Variants in CRIM1 observed in about 807,000 individuals in gnomAD.
CRIM1 encodes cysteine-rich motor neuron 1 protein.
Under a neutral mutation model 116.4 loss-of-function variants are expected in CRIM1, and 32 were observed. The observed-to-expected ratio is 0.27, with a 90% CI of 0.21 to 0.37. The LOEUF is 0.37. Among genes scored for constraint, CRIM1 ranks in the 10% least tolerant of loss-of-function variants. The pLI, the probability that CRIM1 is intolerant of heterozygous loss-of-function variation, is 1.00. For synonymous variants in CRIM1, 590 were observed against 509.2 expected, an observed-to-expected ratio of 1.16 and a Z score of -2.13; for missense variants, 1,331 against 1,354.8, an observed-to-expected ratio of 0.98 and a Z score of 0.28.
chr2:36,457,197 G>C (rs1216797517), intron 4 of CRIM1, among the ~76,000 whole-genome samples: 1 of 151,878 alleles, frequency 6.6e-6, no homozygotes, highest in Non-Finnish European at 1.5e-5. Flanking sequence ...GGTAGTATTT[G>C]GTTACATAAG....
At chr2:36,401,102 G>A (rs1490593377) in intron 2 of CRIM1, among the ~76,000 whole-genome samples, 2 of 152,082 alleles carry the variant, frequency 1.3e-5, no homozygotes, top group African/African-American at 2.4e-5. Flanking sequence ...TTTTTAAAAC[G>A]TGTGGAAGTC....
intron 8 of CRIM1, among the ~76,000 whole-genome samples, chr2:36,502,401 G>C (rs1681062322): frequency 6.6e-6 from 1 of 152,198 alleles, no homozygotes. Context: ...TGCTACCTGA[G>C]TGCACCTCTG....
At chr2:36,491,881 T>G (rs563599088) in intron 7 of CRIM1, among the ~76,000 whole-genome samples, 1 of 152,208 alleles carries the variant, frequency 6.6e-6, no homozygotes, top group South Asian at 2.1e-4. Context: ...CTATGAACAT[T>G]AGCAATAAAA....
chr2:36,455,640 A>G (rs1051707039), intron 4 of CRIM1, among the ~76,000 whole-genome samples: 1 of 152,196 alleles, frequency 6.6e-6, no homozygotes, highest in African/African-American at 2.4e-5. Flanking sequence ...GCCAGTGGTC[A>G]ACTTGGAGAA....
intron 1 of CRIM1, among the ~76,000 whole-genome samples, chr2:36,371,072 C>T (rs1489864172): frequency 2.6e-5 from 4 of 152,246 alleles, no homozygotes; most frequent in Admixed American, 2.6e-4. Flanking sequence ...TCTAGTGCAA[C>T]CAAAGACTTG....
chr2:36,521,351 T>C (rs1232229207), intron 12 of CRIM1, among the ~76,000 whole-genome samples: 1 of 152,198 alleles, frequency 6.6e-6, no homozygotes. Flanking sequence ...TTCCTGAACA[T>C]TGGAATGTTG....
At chr2:36,391,962 C>T (rs142703219) in intron 1 of CRIM1, among the ~76,000 whole-genome samples, 56 of 152,252 alleles carry the variant, frequency 3.7e-4, no homozygotes, top group African/African-American at 1.3e-3. Context: ...CTTGAATGCC[C>T]TTGATCGAAG....
chr2:36,441,600 G>C, intron 3 of CRIM1, 100 bp downstream of exon 3: 1 of 1,446,944 alleles, frequency 6.9e-7, no homozygotes, highest in Non-Finnish European at 9.4e-7. Flanking sequence ...ACGAAGATGG[G>C]CCTTCTCACC....
chr2:36,413,644 A>G (rs192893937), intron 2 of CRIM1, among the ~76,000 whole-genome samples: 19 of 152,344 alleles, frequency 1.2e-4, no homozygotes, highest in East Asian at 1.9e-4. Flanking sequence ...GTGCGTATCA[A>G]TGGATATGTA....
chr2:36,405,309 A>G (rs1415716469), intron 2 of CRIM1, among the ~76,000 whole-genome samples: 2 of 152,220 alleles, frequency 1.3e-5, no homozygotes, highest in Non-Finnish European at 2.9e-5. Flanking sequence ...TGTTCCTGCC[A>G]CTAGAACCGC....
At chr2:36,543,934 A>G (rs961202194) in intron 14 of CRIM1, among the ~76,000 whole-genome samples, 2 of 152,212 alleles carry the variant, frequency 1.3e-5, no homozygotes, top group Non-Finnish European at 2.9e-5. Flanking sequence ...CAAGAAGTCC[A>G]TAAGAAGTGG....
At chr2:36,447,666 C>G (rs563126409) in intron 4 of CRIM1, among the ~76,000 whole-genome samples, 1 of 152,290 alleles carries the variant, frequency 6.6e-6, no homozygotes, top group Admixed American at 6.5e-5. Context: ...TTCTGTTGGT[C>G]AAAGGAAGTC....
chr2:36,387,726 A>T (rs2148352321), intron 1 of CRIM1, among the ~76,000 whole-genome samples: 1 of 152,348 alleles, frequency 6.6e-6, no homozygotes, highest in East Asian at 1.9e-4. Context: ...AGAGAAAGTG[A>T]TTGAAAAAAT....
rs1181402750 is a variant in CRIM1 at position 36,547,179 on chromosome 2, C to G, written c.2934+8C>G. ...TATCGAACACCAACTAAGGTACTGT[C>G]TTGCAAAAGTTAGTCTCTTGAATGA... On this transcript the variant is annotated splice_region_variant and intron_variant, in intron 16 of 16. Coordinates refer to ENST00000280527, the MANE Select transcript of CRIM1 (RefSeq NM_016441.3). The G allele has an allele frequency of 3.1e-6, 5 of 1,603,828 alleles. No homozygotes were observed. Among genetic ancestry groups the G allele is most frequent in the African/African-American group, 1.3e-5 (1 of 74,506 alleles).
chr2:36,466,879 G>C (rs759091209), intron 5 of CRIM1, among the ~76,000 whole-genome samples: 1 of 152,162 alleles, frequency 6.6e-6, no homozygotes, highest in African/African-American at 2.4e-5. Flanking sequence ...AAGATTTGCT[G>C]GTGTTTCCTA....
chr2:36,422,615 AT>A (rs1216397300), intron 2 of CRIM1, among the ~76,000 whole-genome samples: 3 of 152,206 alleles, frequency 2.0e-5, no homozygotes, highest in African/African-American at 7.2e-5. Flanking sequence ...TGATAGTGTT[AT>A]GATACTATGT....
chr2:36,548,260 C>T (rs1321624667), intron 16 of CRIM1, among the ~76,000 whole-genome samples: 4 of 143,616 alleles, frequency 2.8e-5, no homozygotes, highest in Non-Finnish European at 6.0e-5. Flanking sequence ...GAAATCATTT[C>T]ACCAGTCTTT....
At chr2:36,506,133 G>GCACACACACA (rs142839402) in intron 8 of CRIM1, among the ~76,000 whole-genome samples, 9 of 136,422 alleles carry the variant, frequency 6.6e-5, no homozygotes, top group Admixed American at 4.4e-4. Context: ...ATTGCAGGGT[G>GCACACACACA]CACACACACA....
At chr2:36,396,944 T>G (rs1672072163) in intron 2 of CRIM1, among the ~76,000 whole-genome samples, 157 bp downstream of exon 2, 1 of 152,154 alleles carries the variant, frequency 6.6e-6, no homozygotes, top group Admixed American at 6.5e-5. Context: ...ACCAGGTGCT[T>G]ATGTGGTGGG....
Sources: gnomAD v4.1 joint callset for allele counts (sites outside exome capture counted in the v4.1 genomes callset) on GRCh38, gnomAD v4.1.1 for gene constraint, MANE v1.5 for transcripts, NCBI Gene and HGNC (gene_info 2026-07-23, HGNC 2026-07-21) for gene names.